The following KNSTRN variants were observed in gnomAD, a reference collection of about 807,000 sequenced individuals.
KNSTRN encodes the protein small kinetochore-associated protein.
KNSTRN carries 38 observed loss-of-function variants against 44.7 expected under a neutral mutation model. The ratio of observed to expected loss-of-function variants is 0.85; its 90% CI spans 0.66 to 1.11. The LOEUF is 1.11. Ranked by LOEUF, KNSTRN falls within the 50% of genes most tolerant of loss-of-function variation. The probability of loss-of-function intolerance (pLI) is 0.00; values close to 1 mark genes in which losing one functional copy is unlikely to be tolerated. For synonymous variants in KNSTRN, 158 were observed against 148.1 expected, an observed-to-expected ratio of 1.07 and a Z score of -0.48; for missense variants, 406 against 375.8, an observed-to-expected ratio of 1.08 and a Z score of -0.66.
At position 40,382,974 on chromosome 15, in the gene KNSTRN, A is replaced by C; in HGVS notation, c.139A>C (p.Thr47Pro). Residue 47 changes from threonine to proline, a missense_variant, in exon 1 of 9, where the codon ACG (threonine) becomes CCG (proline). Coordinates refer to ENST00000249776, the MANE Select transcript of KNSTRN (RefSeq NM_033286.4). ...CCAGGCGGCCGACTTAGCCGGTGGC[A>C]CGACAGTTGCTGCAGGGAATCTTTT... ...ETQAADLAGG[T>P]TVAAGNLLNE... is the part of the protein sequence containing the mutation. The C allele has an allele frequency of 6.2e-7, 1 of 1,612,256 alleles. No homozygotes were observed. The highest frequency in any genetic ancestry group is 8.5e-7 in the Non-Finnish European group (1 of 1,180,036).
chr15:40,393,270 C>A, intron 8 of KNSTRN, 199 bp from the exon 9 acceptor site: 1 of 1,612,520 alleles, frequency 6.2e-7, no homozygotes, highest in South Asian at 1.1e-5. Context: ...GGAGTCTAGT[C>A]CCTCTCTACT....
At chr15:40,385,347 G>A (rs1004270906) in intron 2 of KNSTRN, among the ~76,000 whole-genome samples, 2 of 152,212 alleles carry the variant, frequency 1.3e-5, no homozygotes, top group African/African-American at 4.8e-5. Flanking sequence ...GAGTGTTATG[G>A]CAGGGCCATT....
At chr15:40,385,251 G>A (rs1405184407) in intron 2 of KNSTRN, among the ~76,000 whole-genome samples, 2 of 152,220 alleles carry the variant, frequency 1.3e-5, no homozygotes, top group Non-Finnish European at 2.9e-5. Flanking sequence ...TAAGTTACTT[G>A]AATTTGCTGT....
chr15:40,384,520 G>A (rs1889871451), intron 2 of KNSTRN: 1 of 455,590 alleles, frequency 2.2e-6, no homozygotes, highest in South Asian at 1.5e-5. Context: ...CTGGAGCCAG[G>A]TCTCTCAGCT....
Position 40,391,990 on chromosome 15 carries a change from C to T in KNSTRN, c.789C>T (p.Asn263=), listed in dbSNP as rs372765825. ...ETLQEELKLF[N]ETAKKQMEEL... is the part of the protein sequence containing the mutation. ...TGCAAGAGGAGCTGAAGCTTTTTAA[C>T]GAAACAGCCAAAAAGCAGATGGAGG... Residue 263 remains asparagine (N), a synonymous_variant, in exon 8 of 9, where the codon AAC becomes AAT. Transcript: ENST00000249776. 5.4e-5 allele frequency: 87 copies of T among 1,611,190 alleles called. No homozygotes were observed. In the Middle Eastern group the frequency reaches 8.2e-4, roughly 15 times the overall value.
intron 3 of KNSTRN, 93 bp from the exon 4 acceptor site, chr15:40,387,066 C>T (rs757376110): frequency 3.3e-6 from 3 of 918,080 alleles, no homozygotes; most frequent in Non-Finnish European, 5.3e-6. Flanking sequence ...CTGGTTCTTT[C>T]CTCAGAAACT....
chr15:40,389,330 A>G (rs1333241995), intron 4 of KNSTRN, 176 bp from the exon 5 acceptor site: 8 of 563,082 alleles, frequency 1.4e-5, no homozygotes, highest in South Asian at 3.9e-5. Context: ...TTGTAATTTT[A>G]GTAGAGACAG....
intron 4 of KNSTRN, among the ~76,000 whole-genome samples, chr15:40,387,728 C>A (rs1357201882): frequency 6.6e-6 from 1 of 152,054 alleles, no homozygotes; most frequent in Non-Finnish European, 1.5e-5. Flanking sequence ...TTGAAGACAG[C>A]AGGGCACACC....
intron 6 of KNSTRN, 50 bp downstream of exon 6, chr15:40,389,979 C>T (rs1221463602): frequency 3.4e-6 from 5 of 1,451,576 alleles, no homozygotes; most frequent in Non-Finnish European, 4.8e-6. Context: ...GGTGCATGTG[C>T]CCCTTCCGGG....
chr15:40,391,708 A>G, intron 7 of KNSTRN, 154 bp downstream of exon 7: 1 of 702,398 alleles, frequency 1.4e-6, no homozygotes, highest in Non-Finnish European at 2.4e-6. Flanking sequence ...TACTCAAAAT[A>G]GCATATTTTA....
At chr15:40,385,842 C>G (rs772920297) in intron 2 of KNSTRN, among the ~76,000 whole-genome samples, 3 of 152,222 alleles carry the variant, frequency 2.0e-5, no homozygotes, top group Non-Finnish European at 2.9e-5. Context: ...AAACTTTTGG[C>G]TACCCTCAAA....
chr15:40,389,281 T>C (rs1047637980), intron 4 of KNSTRN: 1 of 506,368 alleles, frequency 2.0e-6, no homozygotes, highest in Non-Finnish European at 3.7e-6. Flanking sequence ...CCCAAATACC[T>C]GGGATTACAG....
chr15:40,382,999 T>C lies in KNSTRN; in HGVS notation c.164T>C (p.Leu55Ser). Residue 55 changes from leucine (L) to serine (S), a missense_variant, in exon 1 of 9, where the codon TTA becomes TCA. Coordinates refer to ENST00000249776, the MANE Select transcript of KNSTRN (RefSeq NM_033286.4). ...GGTTVAAGNL[L>S]NESEKDCGQD... ...ACGACAGTTGCTGCAGGGAATCTTT[T>C]AAACGAGAGCGAGAAGGACTGCGGG... 1.9e-6 allele frequency: 3 copies of C among 1,612,008 alleles called. No individual in the cohort carries two copies. The highest frequency in any genetic ancestry group is 2.5e-6 in the Non-Finnish European group (3 of 1,180,018).
intron 6 of KNSTRN, among the ~76,000 whole-genome samples, chr15:40,390,795 A>T (rs974566504): frequency 6.6e-6 from 1 of 151,892 alleles, no homozygotes; most frequent in Non-Finnish European, 1.5e-5. Context: ...TTGTATTTTT[A>T]GTAGAGATGG....
intron 4 of KNSTRN, 145 bp downstream of exon 4, chr15:40,387,351 G>A (rs1341454112): frequency 1.4e-6 from 1 of 708,454 alleles, no homozygotes; most frequent in East Asian, 2.7e-5. Flanking sequence ...ATTTTCAGGG[G>A]TGAGGCACAG....
chr15:40,386,778 G>C, intron 3 of KNSTRN: 1 of 506,242 alleles, frequency 2.0e-6, no homozygotes. Flanking sequence ...CTGAGGGGTA[G>C]TCATGCAGGG....
intron 4 of KNSTRN, among the ~76,000 whole-genome samples, chr15:40,388,873 T>TG (rs1283877526): frequency 6.6e-6 from 1 of 152,164 alleles, no homozygotes; most frequent in Non-Finnish European, 1.5e-5. Context: ...TGGCCAGATT[T>TG]GGGGGGCCTG....
rs1291448407 is a variant in KNSTRN, at chr15:40,386,232, A to C, written c.305-130A>C. The C allele has an allele frequency of 5.9e-6, 6 of 1,022,068 alleles. No individual in the cohort carries two copies. In the East Asian group the frequency reaches 1.9e-4, roughly 32 times the overall value. The allele number at this position is 1,022,068 out of a possible 1,614,324, so 63.3% of individuals were successfully genotyped here. On this transcript the variant is annotated intron_variant, in intron 2 of 8. Transcript: ENST00000249776. ...ACAGAGCAAGACTCTGTCTCAAAAA[A>C]ATAAATAATACTTTTTAAAATAAAG... is the stretch of plus-strand genomic sequence containing the variant.
chr15:40,391,397 A>G (rs1036021510), intron 6 of KNSTRN, 96 bp from the exon 7 acceptor site: 6 of 974,012 alleles, frequency 6.2e-6, no homozygotes, highest in African/African-American at 3.2e-5. Context: ...AATTCCCCTC[A>G]TGAATATTTC....
Sources: allele counts gnomAD v4.1 joint callset (sites outside exome capture counted in the v4.1 genomes callset), GRCh38; gene constraint gnomAD v4.1.1; transcripts MANE v1.5; gene names NCBI Gene and HGNC (gene_info 2026-07-23, HGNC 2026-07-21).